CNTN4: variants seen among roughly 807,000 people sequenced by gnomAD.
CNTN4 encodes contactin-4.
A neutral mutation model predicts 122.5 loss-of-function variants in CNTN4; 77 were observed. The observed-to-expected ratio is 0.63, with a 90% CI of 0.52 to 0.76. The LOEUF (loss-of-function observed/expected upper bound fraction) is 0.76, where lower values mean the gene tolerates loss of function less well. Ranked by LOEUF, CNTN4 falls within the 30% of genes least tolerant of loss-of-function variation. CNTN4 has a pLI of 0.00. For missense variants in CNTN4, 1,256 were observed against 1,259.1 expected (o/e 1.00, Z 0.04); for synonymous variants, 512 against 447.0 (o/e 1.15, Z -1.83).
chr3:2,203,703 A>G (rs2038211793), intron 2 of CNTN4, among the ~76,000 whole-genome samples: 1 of 152,150 alleles, frequency 6.6e-6, no homozygotes, highest in African/African-American at 2.4e-5. Context: ...ATATTGGGAA[A>G]GAAAAAAGAG....
rs1278687441 is a variant in CNTN4, at chr3:2,952,193, AAGCCTTAGTGAG to A, written c.1358+26416_1358+26427del. On this transcript the variant is annotated intron_variant, in intron 13 of 24. Transcript: ENST00000418658. ...CCTTCTCCCAAAGCAGCCTTATCGA[AAGCCTTAGTGAG>A]ATGGTTTCTAGGATATAGTTGGAAC... Among the ~76,000 whole-genome samples, 17 of 152,318 alleles carry A rather than the reference AAGCCTTAGTGAG, an allele frequency of 1.1e-4. 2 individuals are homozygous for A. Among genetic ancestry groups the A allele is most frequent in the Admixed American group, 5.9e-4 (9 of 15,292 alleles).
intron 9 of CNTN4, among the ~76,000 whole-genome samples, chr3:2,883,559 A>G (rs2093936599): frequency 6.6e-6 from 1 of 152,216 alleles, no homozygotes; most frequent in Admixed American, 6.5e-5. Context: ...GAATGACAGG[A>G]AAACAATGGC....
At chr3:2,384,671 A>C (rs1335874276) in intron 3 of CNTN4, among the ~76,000 whole-genome samples, 2 of 152,002 alleles carry the variant, frequency 1.3e-5, no homozygotes, top group Non-Finnish European at 2.9e-5. Context: ...TAGGACTCTC[A>C]CATCTCCCAT....
At chr3:2,553,967 T>TG (rs2078619016) in intron 3 of CNTN4, among the ~76,000 whole-genome samples, 2 of 152,170 alleles carry the variant, frequency 1.3e-5, no homozygotes, top group South Asian at 4.1e-4. Flanking sequence ...GTTAAAGCTA[T>TG]GTGTTTTCTG....
rs568443607 is a variant in CNTN4, at chr3:2,219,883, T to C, written c.-145+119244T>C. 9.9e-5 allele frequency among the ~76,000 whole-genome samples: 15 copies of C among 152,274 alleles called. No homozygotes were observed. In the South Asian group the frequency reaches 3.1e-3, roughly 32 times the overall value. On this transcript the variant is annotated intron_variant, in intron 2 of 24. Coordinates refer to ENST00000418658, the MANE Select transcript of CNTN4 (RefSeq NM_175607.3). The stretch of plus-strand genomic sequence containing the variant: ...AACTTACTTTGCCAAATTCATACCA[T>C]GCTTCTATTTATTTCCCTATGATAA...
At chr3:2,733,283 C>T (rs993670411) in intron 4 of CNTN4, among the ~76,000 whole-genome samples, 6 of 152,158 alleles carry the variant, frequency 3.9e-5, no homozygotes, top group Non-Finnish European at 8.8e-5. Flanking sequence ...AAATATTTCT[C>T]TCTTAGAGAA....
At chr3:2,158,044 A>G (rs1458827375) in intron 2 of CNTN4, among the ~76,000 whole-genome samples, 5 of 152,186 alleles carry the variant, frequency 3.3e-5, no homozygotes, top group African/African-American at 1.2e-4. Context: ...TTTGAATTCA[A>G]TTTAATAGAA....
At chr3:2,752,240 T>A (rs905288114) in intron 6 of CNTN4, among the ~76,000 whole-genome samples, 1 of 152,230 alleles carries the variant, frequency 6.6e-6, no homozygotes. Context: ...ATGCAATGTG[T>A]AAATGATCAA....
At chr3:2,441,916 T>C (rs2048456631) in intron 3 of CNTN4, among the ~76,000 whole-genome samples, 1 of 152,204 alleles carries the variant, frequency 6.6e-6, no homozygotes, top group South Asian at 2.1e-4. Context: ...GAAAAAATGC[T>C]GTATTTTCAT....
At chr3:2,381,916 T>C (rs751697459) in intron 3 of CNTN4, among the ~76,000 whole-genome samples, 9 of 152,156 alleles carry the variant, frequency 5.9e-5, no homozygotes, top group Non-Finnish European at 1.3e-4. Flanking sequence ...TCTGTAGAGC[T>C]GTGTAAAATT....
intron 4 of CNTN4, among the ~76,000 whole-genome samples, chr3:2,678,305 A>C (rs2084980472): frequency 6.6e-6 from 1 of 152,148 alleles, no homozygotes; most frequent in African/African-American, 2.4e-5. Flanking sequence ...GCCCTGTCGT[A>C]AAAAAATTTT....
chr3:2,799,550 C>T (rs1192782812), intron 6 of CNTN4, among the ~76,000 whole-genome samples: 3 of 151,922 alleles, frequency 2.0e-5, no homozygotes, highest in African/African-American at 7.3e-5. Flanking sequence ...GCAACCTCTG[C>T]CTCCGGGGTT....
chr3:2,933,705 G>T (rs140257586), intron 13 of CNTN4, among the ~76,000 whole-genome samples: 1 of 151,948 alleles, frequency 6.6e-6, no homozygotes, highest in African/African-American at 2.4e-5. Flanking sequence ...GTTTTATTCC[G>T]TTCTTTAACA....
chr3:2,111,647 CA>C (rs1363319869), intron 2 of CNTN4, among the ~76,000 whole-genome samples: 1 of 152,000 alleles, frequency 6.6e-6, no homozygotes, highest in Non-Finnish European at 1.5e-5. Flanking sequence ...AGTATATATA[CA>C]AATATATATT....
At chr3:2,696,041 G>A (rs1462487057) in intron 4 of CNTN4, among the ~76,000 whole-genome samples, 2 of 152,148 alleles carry the variant, frequency 1.3e-5, no homozygotes, top group Admixed American at 1.3e-4. Context: ...GTGTATATGT[G>A]TGTCTATCTC....
At chr3:2,104,670 C>T (rs1454828929) in intron 2 of CNTN4, among the ~76,000 whole-genome samples, 2 of 152,230 alleles carry the variant, frequency 1.3e-5, no homozygotes, top group South Asian at 2.1e-4. Flanking sequence ...CTGGGGTGGA[C>T]CTCAGTCACT....
At chr3:2,202,304 C>A (rs2038136383) in intron 2 of CNTN4, among the ~76,000 whole-genome samples, 1 of 152,132 alleles carries the variant, frequency 6.6e-6, no homozygotes, top group African/African-American at 2.4e-5. Context: ...GCAGGATAAT[C>A]AGCTTAATGG....
chr3:2,609,499 T>C (rs541505218), intron 4 of CNTN4, among the ~76,000 whole-genome samples: 112 of 152,316 alleles, frequency 7.4e-4, no homozygotes, highest in Admixed American at 1.7e-3. Flanking sequence ...AGGAATGGAC[T>C]AAGAGAGATT....
chr3:2,303,293 A>G (rs2042589287), intron 2 of CNTN4, among the ~76,000 whole-genome samples: 1 of 152,144 alleles, frequency 6.6e-6, no homozygotes, highest in South Asian at 2.1e-4. Context: ...TAATTATAAT[A>G]CTAATTCATC....
Sources: gnomAD v4.1 joint callset for allele counts (sites outside exome capture counted in the v4.1 genomes callset) on GRCh38, gnomAD v4.1.1 for gene constraint, MANE v1.5 for transcripts, NCBI Gene and HGNC (gene_info 2026-07-23, HGNC 2026-07-21) for gene names.